The following AFF4 variants were observed in gnomAD, a reference collection of about 807,000 sequenced individuals.
AFF4 encodes AF4/FMR2 family member 4.
AFF4 carries 13 observed loss-of-function variants against 124.8 expected under a neutral mutation model. That is an observed-to-expected ratio of 0.10 (90% CI 0.07 to 0.17). AFF4 has a LOEUF of 0.17. AFF4 is among the 10% of genes least tolerant of loss of function. The pLI is 1.00. For missense variants in AFF4, 1,092 were observed against 1,403.8 expected (o/e 0.78, Z 3.55); for synonymous variants, 477 against 496.1 (o/e 0.96, Z 0.51).
intron 3 of AFF4, 93 bp from the exon 4 acceptor site, chr5:132,932,315 AC>A (rs2150096826): frequency 6.0e-6 from 6 of 996,206 alleles, no homozygotes; most frequent in African/African-American, 1.6e-5. Context: ...AGTATTTATG[AC>A]CCCACTACTC....
intron 1 of AFF4, among the ~76,000 whole-genome samples, chr5:132,948,111 C>T (rs992607164): frequency 1.3e-5 from 2 of 151,832 alleles, no homozygotes; most frequent in Non-Finnish European, 2.9e-5. Flanking sequence ...AATGCAGTGG[C>T]ACGATCTCGG....
chr5:132,879,214 G>C lies in AFF4; in HGVS notation c.*1845C>G, dbSNP rs1759912161. 4.5e-6 allele frequency: 1 copy of C among 220,204 alleles called. No individual in the cohort carries two copies. Among genetic ancestry groups the C allele is most frequent in the African/African-American group, 2.2e-5 (1 of 44,588 alleles). 13.6% of individuals were successfully genotyped at this position (220,204 alleles called of 1,614,324 possible). On this transcript the variant is annotated 3_prime_UTR_variant, in exon 21 of 21. Transcript: ENST00000265343. ...AAGCTCTATAAATATGAGGCCACAG[G>C]GACAATGAAAGTTCACTAACTTCAG...
chr5:132,882,979 G>C (rs1760023646), intron 20 of AFF4, among the ~76,000 whole-genome samples: 1 of 151,844 alleles, frequency 6.6e-6, no homozygotes, highest in Non-Finnish European at 1.5e-5. Context: ...CAGATGTACA[G>C]ATGTTTGGAT....
chr5:132,901,105 G>A (rs1228761808), intron 7 of AFF4: 1 of 985,342 alleles, frequency 1.0e-6, no homozygotes, highest in Non-Finnish European at 1.2e-6. Context: ...CAGGGGCTTA[G>A]TGCATCTATC....
intron 1 of AFF4, among the ~76,000 whole-genome samples, chr5:132,946,415 GTCCATCAACAGATGACGA>G (rs1304468022): frequency 1.3e-5 from 2 of 152,170 alleles, no homozygotes; most frequent in African/African-American, 4.8e-5. Flanking sequence ...CAACCCAAAT[GTCCATCAACAGATGACGA>G]TCCATCAACA....
intron 1 of AFF4, among the ~76,000 whole-genome samples, chr5:132,958,720 A>T (rs1381933210): frequency 6.6e-6 from 1 of 152,174 alleles, no homozygotes; most frequent in Non-Finnish European, 1.5e-5. Context: ...GCTGGTACTC[A>T]TCTCTCCATA....
chr5:132,946,445 G>A (rs768872598), intron 1 of AFF4, among the ~76,000 whole-genome samples: 2 of 152,136 alleles, frequency 1.3e-5, no homozygotes, highest in South Asian at 2.1e-4. Flanking sequence ...CCATCAACAC[G>A]GATAAGCAAA....
intron 13 of AFF4, among the ~76,000 whole-genome samples, chr5:132,891,512 CA>C (rs564241254): frequency 6.6e-6 from 1 of 152,114 alleles, no homozygotes; most frequent in African/African-American, 2.4e-5. Flanking sequence ...TCCAAATCTC[CA>C]ACTATAAACA....
Position 132,961,670 on chromosome 5 carries a change from A to C in AFF4, c.-5+1589T>G, listed in dbSNP as rs1762084949. Among the ~76,000 whole-genome samples the C allele has an allele frequency of 2.0e-5, 3 of 152,266 alleles. No homozygotes were observed. The South Asian group carries it at 6.2e-4, about 32-fold the overall frequency. On this transcript the variant is annotated intron_variant, in intron 1 of 20. Transcript: ENST00000265343. ...TAAGAATTCTTAATTACACAGCTTC[A>C]CCTTACACTCCCAAACTGTAGATCA... is the stretch of plus-strand genomic sequence containing the variant.
intron 16 of AFF4, 47 bp from the exon 17 acceptor site, chr5:132,887,639 T>C: frequency 1.9e-6 from 3 of 1,566,520 alleles, no homozygotes; most frequent in Non-Finnish European, 2.6e-6. Context: ...ATACTTCACC[T>C]TGATCTTATG....
At chr5:132,921,105 C>T (rs577735887) in intron 5 of AFF4, among the ~76,000 whole-genome samples, 5 of 145,570 alleles carry the variant, frequency 3.4e-5, no homozygotes, top group South Asian at 2.2e-4. Context: ...CTAGCCTGAG[C>T]GACAGAGCGA....
rs778788789 is a variant in AFF4 at position 132,883,608 on chromosome 5, T to C, written c.3144-48A>G. 11 of 1,553,606 alleles carry C rather than the reference T, an allele frequency of 7.1e-6. No homozygotes were observed. In the Admixed American group the frequency reaches 1.2e-4, roughly 17 times the overall value. On this transcript the variant is annotated intron_variant, in intron 19 of 20. Transcript: ENST00000265343. ...TTGTTCATATGGACATGGTAAGCAT[T>C]ATAAAATCAAGTACTACTAGCTCTT...
chr5:132,877,224 T>C lies in AFF4; in HGVS notation c.*3835A>G, dbSNP rs143899516. Reference sequence around the variant, plus strand: ...ACACAAACTCCTATAAATCAAAATATATAATGAGGCCATACTGTTCAATTA... The same window carrying C: ...ACACAAACTCCTATAAATCAAAATACATAATGAGGCCATACTGTTCAATTA... On this transcript the variant is annotated 3_prime_UTR_variant, in exon 21 of 21. Transcript: ENST00000265343. The C allele has an allele frequency of 1.8e-4, 38 of 208,304 alleles. No individual in the cohort carries two copies. The East Asian group carries it at 2.7e-3, about 15-fold the overall frequency. 12.9% of individuals were successfully genotyped at this position (208,304 alleles called of 1,614,324 possible). A position where few individuals can be genotyped will look rare whatever the true frequency, so the allele number is the denominator to read the frequency against.
At position 132,927,055 on chromosome 5, in the gene AFF4, C is replaced by T. The variant is rs1026740745; in HGVS notation, c.1050+66G>A. On this transcript the variant is annotated intron_variant, in intron 5 of 20. Transcript: ENST00000265343. ...AGGAATGGCAAGACAATTTTTAATC[C>T]ATATGATTTTAGTCAAGCCATTTAG... The T allele has an allele frequency of 2.4e-5, 33 of 1,353,706 alleles. No individual in the cohort carries two copies. The African/African-American group carries it at 4.4e-4, about 18-fold the overall frequency. 83.9% of individuals were successfully genotyped at this position (1,353,706 alleles called of 1,614,324 possible).
chr5:132,938,980 GAAAA>G (rs1192609238), intron 1 of AFF4, among the ~76,000 whole-genome samples: 1 of 78,894 alleles, frequency 1.3e-5, no homozygotes, highest in Non-Finnish European at 2.5e-5. Context: ...TTAATGTTTA[GAAAA>G]AAAAAAAAAA....
chr5:132,918,593 C>T (rs527879460), intron 5 of AFF4, among the ~76,000 whole-genome samples: 3 of 152,088 alleles, frequency 2.0e-5, no homozygotes, highest in South Asian at 2.1e-4. Context: ...ACCCAGGAGG[C>T]GGAGGTTGCA....
chr5:132,940,778 G>A (rs965178805), intron 1 of AFF4, among the ~76,000 whole-genome samples: 2 of 152,084 alleles, frequency 1.3e-5, no homozygotes, highest in Admixed American at 6.5e-5. Context: ...TGTAATCCCA[G>A]CACTTTGGGA....
intron 10 of AFF4, among the ~76,000 whole-genome samples, chr5:132,897,675 A>C (rs1027722111): frequency 1.3e-5 from 2 of 151,308 alleles, no homozygotes; most frequent in African/African-American, 4.9e-5. Flanking sequence ...GAGCCACTGC[A>C]CTCCAGCCTG....
intron 5 of AFF4, among the ~76,000 whole-genome samples, chr5:132,904,886 G>A (rs1351817493): frequency 6.6e-6 from 1 of 151,414 alleles, no homozygotes; most frequent in Non-Finnish European, 1.5e-5. Flanking sequence ...CCGTCTCTAC[G>A]AAAAATACAA....
Sources: allele counts gnomAD v4.1 joint callset (sites outside exome capture counted in the v4.1 genomes callset), GRCh38; gene constraint gnomAD v4.1.1; transcripts MANE v1.5; gene names NCBI Gene and HGNC (gene_info 2026-07-23, HGNC 2026-07-21).